KCNIP4: variants seen among roughly 807,000 people sequenced by gnomAD.
KCNIP4 encodes the protein Kv channel-interacting protein 4.
A neutral mutation model predicts 34.0 loss-of-function variants in KCNIP4; 12 were observed. The observed-to-expected ratio is 0.35, with a 90% CI of 0.23 to 0.57. The LOEUF (loss-of-function observed/expected upper bound fraction) is 0.57, where lower values mean the gene tolerates loss of function less well. Among genes scored for constraint, KCNIP4 ranks in the 20% least tolerant of loss-of-function variants. The pLI is 0.83. For synonymous variants in KCNIP4, 124 were observed against 102.2 expected (o/e 1.21, Z -1.29); for missense variants, 238 against 311.7 (o/e 0.76, Z 1.78).
At chr4:20,835,855 A>G (rs1269432006) in intron 3 of KCNIP4, among the ~76,000 whole-genome samples, 1 of 151,878 alleles carries the variant, frequency 6.6e-6, no homozygotes, top group East Asian at 1.9e-4. Flanking sequence ...GGAATCATCT[A>G]TATTGTTGCT....
At chr4:21,488,702 T>C (rs1429614102) in intron 1 of KCNIP4, among the ~76,000 whole-genome samples, 1 of 146,818 alleles carries the variant, frequency 6.8e-6, no homozygotes, top group Non-Finnish European at 1.5e-5. Flanking sequence ...ACAAAAAGCA[T>C]CAGTGTTGGC....
intron 1 of KCNIP4, among the ~76,000 whole-genome samples, chr4:21,254,597 T>C (rs1448969229): frequency 1.3e-5 from 2 of 152,190 alleles, no homozygotes; most frequent in East Asian, 1.9e-4. Context: ...GGACTTTGCC[T>C]TACTCTTCCC....
rs35206919 is a variant in KCNIP4 at position 20,785,605 on chromosome 4, G to T, written c.289-26715C>A. ...CTAAGATCAGTGATGCTATTTCAGA[G>T]CACAATGGGGATAATACATTTTACA... On this transcript the variant is annotated intron_variant, in intron 3 of 8. Transcript: ENST00000382152. 6.1e-3 allele frequency among the ~76,000 whole-genome samples: 934 copies of T among 152,130 alleles called. 2 individuals are homozygous for T. Among genetic ancestry groups the T allele is most frequent in the Middle Eastern group, 0.017 (5 of 294 alleles).
intron 1 of KCNIP4, among the ~76,000 whole-genome samples, chr4:21,831,257 A>G (rs1210558437): frequency 6.6e-6 from 1 of 152,122 alleles, no homozygotes; most frequent in East Asian, 1.9e-4. Flanking sequence ...AGGGGGAAAA[A>G]AAATCAAACT....
intron 1 of KCNIP4, among the ~76,000 whole-genome samples, chr4:21,309,588 T>G (rs539044639): frequency 6.6e-6 from 1 of 152,346 alleles, no homozygotes; most frequent in African/African-American, 2.4e-5. Context: ...TCTGAGAGAC[T>G]AGCACACGGA....
At chr4:21,371,005 AATATGG>A (rs1263718517) in intron 1 of KCNIP4, among the ~76,000 whole-genome samples, 1 of 139,340 alleles carries the variant, frequency 7.2e-6, no homozygotes, top group East Asian at 2.2e-4. Flanking sequence ...CTAGCTCACA[AATATGG>A]TTGATGTATG....
At chr4:21,114,091 T>C (rs1359348223) in intron 1 of KCNIP4, among the ~76,000 whole-genome samples, 1 of 152,156 alleles carries the variant, frequency 6.6e-6, no homozygotes, top group Non-Finnish European at 1.5e-5. Context: ...ATCAGAGCTG[T>C]CCCATAATCT....
intron 1 of KCNIP4, among the ~76,000 whole-genome samples, chr4:20,994,274 C>T (rs1257935846): frequency 6.6e-6 from 1 of 152,112 alleles, no homozygotes; most frequent in African/African-American, 2.4e-5. Flanking sequence ...AGGAAACACT[C>T]TTTAAGAAGA....
intron 1 of KCNIP4, among the ~76,000 whole-genome samples, chr4:21,020,787 A>T (rs1401333405): frequency 6.6e-6 from 1 of 152,192 alleles, no homozygotes; most frequent in Non-Finnish European, 1.5e-5. Context: ...ATGAATAGAG[A>T]CAATTTTAAA....
chr4:21,230,331 G>A (rs1041078323), intron 1 of KCNIP4, among the ~76,000 whole-genome samples: 1 of 151,822 alleles, frequency 6.6e-6, no homozygotes, highest in African/African-American at 2.4e-5. Flanking sequence ...AACTATGGGA[G>A]GATAATTATT....
chr4:21,599,918 C>G (rs996269557), intron 1 of KCNIP4, among the ~76,000 whole-genome samples: 3 of 152,046 alleles, frequency 2.0e-5, no homozygotes, highest in African/African-American at 7.2e-5. Context: ...AATAGAGACA[C>G]AGCCCTATTC....
chr4:21,453,555 T>C (rs1728685016), intron 1 of KCNIP4, among the ~76,000 whole-genome samples: 1 of 151,988 alleles, frequency 6.6e-6, no homozygotes, highest in Non-Finnish European at 1.5e-5. Context: ...CCCTTCTTCA[T>C]GCCAGTCTCA....
intron 1 of KCNIP4, among the ~76,000 whole-genome samples, chr4:21,327,817 G>A (rs1014516142): frequency 5.9e-5 from 9 of 151,754 alleles, no homozygotes; most frequent in African/African-American, 2.2e-4. Flanking sequence ...TCTTCTGCTT[G>A]ATCAATTCTG....
intron 1 of KCNIP4, among the ~76,000 whole-genome samples, chr4:21,346,909 A>T (rs1717490091): frequency 6.6e-6 from 1 of 152,180 alleles, no homozygotes; most frequent in Admixed American, 6.5e-5. Context: ...CAAACCACCA[A>T]ATCAACATGA....
intron 1 of KCNIP4, among the ~76,000 whole-genome samples, chr4:20,914,490 G>A (rs1320448553): frequency 6.6e-6 from 1 of 152,042 alleles, no homozygotes; most frequent in Non-Finnish European, 1.5e-5. Context: ...CCTTAATTTG[G>A]GACTTCCCAG....
At chr4:20,756,577 T>C (rs1240999056) in intron 4 of KCNIP4, among the ~76,000 whole-genome samples, 1 of 152,002 alleles carries the variant, frequency 6.6e-6, no homozygotes, top group Non-Finnish European at 1.5e-5. Flanking sequence ...GTAAGTGCTG[T>C]CTCTATTGGT....
rs577628618 is a variant in KCNIP4 at position 21,753,328 on chromosome 4, T to C, written c.61+195243A>G. ...TTTGTCAGGCAATCTCTGGGTGCAC[T>C]AAGTGCTGGCTATCTTTGGGCTATT... On this transcript the variant is annotated intron_variant, in intron 1 of 8. Coordinates refer to ENST00000382152, the MANE Select transcript of KCNIP4 (RefSeq NM_025221.6). Among the ~76,000 whole-genome samples the C allele has an allele frequency of 2.2e-4, 33 of 152,142 alleles. No individual in the cohort carries two copies. In the South Asian group the frequency reaches 6.6e-3, roughly 31 times the overall value.
At position 21,367,938 on chromosome 4, in the gene KCNIP4, G is replaced by A. The variant is rs192289089; in HGVS notation, c.62-485229C>T. On this transcript the variant is annotated intron_variant, in intron 1 of 8. Coordinates refer to ENST00000382152, the MANE Select transcript of KCNIP4 (RefSeq NM_025221.6). ...AGAGACTACCTATACAGGCAGGTTT[G>A]GAGCTAGTGTTTGTATCTTGCAGGG... 1.0e-4 allele frequency among the ~76,000 whole-genome samples: 15 copies of A among 147,560 alleles called. 1 individual carries two copies. The highest frequency in any genetic ancestry group is 5.3e-4 in the Admixed American group (8 of 15,198).
At chr4:21,884,115 G>A (rs527328831) in intron 1 of KCNIP4, among the ~76,000 whole-genome samples, 7 of 152,148 alleles carry the variant, frequency 4.6e-5, no homozygotes, top group African/African-American at 1.2e-4. Flanking sequence ...TAACCTATCC[G>A]AGTGAGTTGT....
Sources: gnomAD v4.1 joint callset for allele counts (sites outside exome capture counted in the v4.1 genomes callset) on GRCh38, gnomAD v4.1.1 for gene constraint, MANE v1.5 for transcripts, NCBI Gene and HGNC (gene_info 2026-07-23, HGNC 2026-07-21) for gene names.